Variants in PADI6 observed in about 807,000 individuals in gnomAD.
The protein encoded by PADI6 is peptidyl arginine deiminase 6, also known as inactive protein-arginine deiminase type-6.
PADI6 carries 66 observed loss-of-function variants against 78.2 expected under a neutral mutation model. The ratio of observed to expected loss-of-function variants is 0.84; its 90% CI spans 0.69 to 1.04. The LOEUF (loss-of-function observed/expected upper bound fraction) is 1.04. Ranked by LOEUF, PADI6 falls within the 50% of genes least tolerant of loss-of-function variation. The probability of loss-of-function intolerance (pLI) is 0.00; values close to 1 mark genes in which losing one functional copy is unlikely to be tolerated. For missense variants in PADI6, 854 were observed against 866.1 expected (o/e 0.99, Z 0.18); for synonymous variants, 397 against 346.9 (o/e 1.14, Z -1.60).
chr1:17,393,090 G>C (rs2075205079), intron 9 of PADI6, among the ~76,000 whole-genome samples: 2 of 152,192 alleles, frequency 1.3e-5, no homozygotes, highest in South Asian at 2.1e-4. Flanking sequence ...AGGTTGCAGT[G>C]CACCTAGATC....
chr1:17,381,459 G>A (rs1213322054), intron 5 of PADI6, among the ~76,000 whole-genome samples: 1 of 152,166 alleles, frequency 6.6e-6, no homozygotes, highest in Non-Finnish European at 1.5e-5. Context: ...TGATGCAGTT[G>A]GCCTCCCAAC....
chr1:17,372,470 C>G lies in PADI6; in HGVS notation c.116+109C>G, dbSNP rs1018134494. On this transcript the variant is annotated intron_variant, in intron 1 of 15. Coordinates refer to ENST00000619609, the MANE Select transcript of PADI6 (RefSeq NM_207421.4). ...GGGTTACTTCTCTAGCCTCACTATC[C>G]TGCCCCATCTTGGGAAGCCTTGGGT... 3.5e-5 allele frequency: 35 copies of G among 1,008,068 alleles called. No individual in the cohort carries two copies. The Admixed American group carries it at 6.4e-4, about 18-fold the overall frequency. The allele number at this position is 1,008,068 out of a possible 1,614,324, so 62.4% of individuals were successfully genotyped here.
intron 6 of PADI6, among the ~76,000 whole-genome samples, chr1:17,387,742 C>A (rs116222367): frequency 2.0e-5 from 3 of 152,184 alleles, no homozygotes; most frequent in Non-Finnish European, 4.4e-5. Flanking sequence ...CAGAGCAAGA[C>A]TCCCTCTCAA....
chr1:17,390,689 T>G, intron 8 of PADI6, among the ~76,000 whole-genome samples: 1 of 150,828 alleles, frequency 6.6e-6, no homozygotes, highest in African/African-American at 2.4e-5. Context: ...TCCTGGGGAG[T>G]GTGGTCCTCA....
chr1:17,396,408 A>G (rs1413924890), intron 13 of PADI6, among the ~76,000 whole-genome samples: 3 of 152,130 alleles, frequency 2.0e-5, no homozygotes. Context: ...AGGCTGTAGG[A>G]ACCCAGAAAG....
chr1:17,372,498 C>T (rs2100280935), intron 1 of PADI6, 137 bp downstream of exon 1: 2 of 801,400 alleles, frequency 2.5e-6, no homozygotes, highest in Non-Finnish European at 4.1e-6. Context: ...CCTTGGGTCT[C>T]TAGTGGGGGG....
chr1:17,397,222 C>A (rs2075255867), intron 14 of PADI6, 81 bp downstream of exon 14: 19 of 1,471,562 alleles, frequency 1.3e-5, no homozygotes, highest in Non-Finnish European at 1.8e-5. Context: ...CCCACCCCTC[C>A]TGAGGGGTGA....
intron 15 of PADI6, 76 bp from the exon 16 acceptor site, chr1:17,401,129 C>T: frequency 1.4e-6 from 2 of 1,400,708 alleles, no homozygotes; most frequent in South Asian, 2.5e-5. Flanking sequence ...GGTCTGACCG[C>T]AGAGAGGCAG....
In PADI6 at chr1:17,372,230, C is replaced by T. The variant is rs1204873; in HGVS notation, c.-16C>T. 344,459 of 1,608,880 alleles carry T rather than the reference C, an allele frequency of 0.21. 38,696 individuals carry two copies. The highest frequency in any genetic ancestry group is 0.35 in the African/African-American group (26,456 of 74,892). ...AGGCTGCTGTGCTGAGTGAGGGCTG[C>T]GGTGCAGGCCTGAGGATGGTCAGCG... On this transcript the variant is annotated 5_prime_UTR_variant, in exon 1 of 16. Transcript: ENST00000619609.
intron 5 of PADI6, 107 bp downstream of exon 5, chr1:17,381,271 C>T (rs1010344877): frequency 1.2e-4 from 108 of 866,470 alleles, no homozygotes; most frequent in Non-Finnish European, 1.8e-4. Context: ...CCGACACCCT[C>T]TTCCCCAGTC....
chr1:17,390,792 G>GCTCTCTGCTTT (rs1180183352), intron 8 of PADI6, among the ~76,000 whole-genome samples: 2 of 152,174 alleles, frequency 1.3e-5, no homozygotes, highest in African/African-American at 2.4e-5. Flanking sequence ...AAAGCAGAGA[G>GCTCTCTGCTTT]ATGTGGTATC....
chr1:17,379,862 CTT>C (rs1163049746), intron 3 of PADI6, 56 bp from the exon 4 acceptor site: 25 of 1,512,126 alleles, frequency 1.7e-5, no homozygotes, highest in Non-Finnish European at 2.2e-5. Flanking sequence ...TAACCTATAA[CTT>C]TGAGGTTCCA....
Position 17,395,635 on chromosome 1 carries a change from G to T in PADI6, c.1590G>T (p.Glu530Asp), listed in dbSNP as rs1269143148. Residue 530 changes from glutamate to aspartate, a missense_variant, in exon 13 of 16, where the codon GAG becomes GAT. Transcript: ENST00000619609. ...EGYGDALLFD[E>D]LRADQLLSNG... is the part of the protein sequence containing the mutation. ...ATGGCGACGCTCTTCTGTTTGATGA[G>T]CTTAGAGCAGATCAGCTCCTGTCTA... 1.2e-6 allele frequency: 2 copies of T among 1,611,156 alleles called. No homozygotes were observed. The highest frequency in any genetic ancestry group is 1.7e-6 in the Non-Finnish European group (2 of 1,178,776).
chr1:17,387,612 C>T (rs996212381), intron 6 of PADI6, among the ~76,000 whole-genome samples: 6 of 152,038 alleles, frequency 3.9e-5, no homozygotes, highest in South Asian at 4.1e-4. Flanking sequence ...ATTAGCCAGG[C>T]GTGTGGTGGT....
At chr1:17,400,510 T>G (rs1243769632) in intron 15 of PADI6, among the ~76,000 whole-genome samples, 5 of 149,450 alleles carry the variant, frequency 3.3e-5, no homozygotes, top group East Asian at 1.9e-4. Context: ...TGTTTTGTTT[T>G]TTTGTTTGTT....
At chr1:17,379,406 G>T (rs182369890) in intron 3 of PADI6, among the ~76,000 whole-genome samples, 1 of 143,950 alleles carries the variant, frequency 6.9e-6, no homozygotes, top group African/African-American at 3.0e-5. Flanking sequence ...GAGCCATCGC[G>T]CCCGGCCGCC....
intron 3 of PADI6, among the ~76,000 whole-genome samples, chr1:17,378,559 T>C (rs1173349057): frequency 6.6e-6 from 1 of 152,140 alleles, no homozygotes; most frequent in African/African-American, 2.4e-5. Flanking sequence ...GGACAGTCCC[T>C]ATGACAGTAC....
intron 9 of PADI6, among the ~76,000 whole-genome samples, chr1:17,392,549 C>T (rs1265563106): frequency 6.6e-6 from 1 of 152,220 alleles, no homozygotes; most frequent in Non-Finnish European, 1.5e-5. Flanking sequence ...GGGGTCCCGC[C>T]TGACTCTGGC....
At chr1:17,379,111 A>T (rs1002625853) in intron 3 of PADI6, among the ~76,000 whole-genome samples, 4 of 100,844 alleles carry the variant, frequency 4.0e-5, no homozygotes, top group African/African-American at 1.7e-4. Flanking sequence ...TGCCCAGTTA[A>T]TTTTTTTTTT....
Sources: gnomAD v4.1 joint callset for allele counts (sites outside exome capture counted in the v4.1 genomes callset) on GRCh38, gnomAD v4.1.1 for gene constraint, MANE v1.5 for transcripts, NCBI Gene and HGNC (gene_info 2026-07-23, HGNC 2026-07-21) for gene names.